The following KHDRBS2 variants were observed in gnomAD, a reference collection of about 807,000 sequenced individuals.
KHDRBS2 encodes KH domain-containing, RNA-binding, signal transduction-associated protein 2.
KHDRBS2 carries 26 observed loss-of-function variants against 44.3 expected under a neutral mutation model. That is an observed-to-expected ratio of 0.59 (90% CI 0.43 to 0.81). The LOEUF (loss-of-function observed/expected upper bound fraction) is 0.81. Among genes scored for constraint, KHDRBS2 ranks in the 40% least tolerant of loss-of-function variants. The pLI is 0.00. For missense variants in KHDRBS2, 476 were observed against 433.1 expected (o/e 1.10, Z -0.88); for synonymous variants, 194 against 151.1 (o/e 1.28, Z -2.08).
the KHDRBS2 span, among the ~76,000 whole-genome samples, chr6:61,670,472 A>T: frequency 2.6e-5 from 4 of 151,522 alleles, no homozygotes; most frequent in Non-Finnish European, 5.9e-5. Context: ...ATTAATTTAT[A>T]CTCATAAACC....
At chr6:61,568,589 C>T in the KHDRBS2 span, among the ~76,000 whole-genome samples, 3 of 151,152 alleles carry the variant, frequency 2.0e-5, no homozygotes, top group African/African-American at 7.3e-5. Flanking sequence ...CTGTGACTTC[C>T]CAAAATGTGA....
At chr6:62,126,807 C>CT (rs1197176568) in intron 2 of KHDRBS2, among the ~76,000 whole-genome samples, 1 of 152,168 alleles carries the variant, frequency 6.6e-6, no homozygotes, top group African/African-American at 2.4e-5. Flanking sequence ...CTTGAGACTA[C>CT]TGATGTAATA....
At chr6:62,116,394 T>C (rs1343549390) in intron 2 of KHDRBS2, among the ~76,000 whole-genome samples, 1 of 152,148 alleles carries the variant, frequency 6.6e-6, no homozygotes, top group African/African-American at 2.4e-5. Context: ...TTTCTGAGTT[T>C]GTTTTAAATT....
intron 6 of KHDRBS2, among the ~76,000 whole-genome samples, chr6:61,843,595 C>G (rs777440613): frequency 2.6e-5 from 4 of 151,880 alleles, no homozygotes; most frequent in African/African-American, 9.7e-5. Flanking sequence ...AAACCCCTGA[C>G]CTCAAGTGAT....
chr6:62,085,936 A>G (rs1798298684), intron 2 of KHDRBS2, among the ~76,000 whole-genome samples: 1 of 152,158 alleles, frequency 6.6e-6, no homozygotes, highest in Non-Finnish European at 1.5e-5. Flanking sequence ...AATTAGCAAA[A>G]TATGTGATCT....
chr6:61,877,286 A>G lies in KHDRBS2; in HGVS notation c.810+17349T>C, dbSNP rs571049619. ...AAAGAAAATTAGGAAGCCAGAGGAC[A>G]TAGAAATGCCTAGAAAATACATTAG... On this transcript the variant is annotated intron_variant, in intron 6 of 8. Transcript: ENST00000281156. 2.6e-5 allele frequency among the ~76,000 whole-genome samples: 4 copies of G among 152,152 alleles called. No homozygotes were observed. The East Asian group carries it at 7.7e-4, about 29-fold the overall frequency.
chr6:62,079,201 T>G (rs1562807144), intron 2 of KHDRBS2, among the ~76,000 whole-genome samples: 1 of 152,074 alleles, frequency 6.6e-6, no homozygotes, highest in Non-Finnish European at 1.5e-5. Flanking sequence ...ATATTTTTAT[T>G]TATCATGCTG....
chr6:61,965,603 C>A (rs938975062), intron 4 of KHDRBS2, among the ~76,000 whole-genome samples: 1 of 151,910 alleles, frequency 6.6e-6, no homozygotes. Context: ...AGAAGAGTCA[C>A]TCTGGTTACC....
chr6:62,143,427 G>T (rs1391670980), intron 2 of KHDRBS2, among the ~76,000 whole-genome samples: 1 of 151,974 alleles, frequency 6.6e-6, no homozygotes, highest in African/African-American at 2.4e-5. Flanking sequence ...GACAAAGACA[G>T]CAATCTATTT....
chr6:62,173,391 A>G (rs1389761424), intron 2 of KHDRBS2, among the ~76,000 whole-genome samples: 3 of 152,090 alleles, frequency 2.0e-5, no homozygotes, highest in African/African-American at 7.2e-5. Context: ...AACAAGGGAG[A>G]GACTGAATCC....
At chr6:62,235,752 C>T (rs1833606407) in intron 1 of KHDRBS2, among the ~76,000 whole-genome samples, 1 of 151,980 alleles carries the variant, frequency 6.6e-6, no homozygotes, top group African/African-American at 2.4e-5. Context: ...TTCCTCATTA[C>T]CATTTACTTC....
chr6:61,783,582 TTG>T (rs1368543032), intron 6 of KHDRBS2, among the ~76,000 whole-genome samples: 4 of 152,110 alleles, frequency 2.6e-5, no homozygotes, highest in Non-Finnish European at 5.9e-5. Context: ...TAAAAATACA[TTG>T]TGTCAATGGT....
chr6:61,785,535 G>A (rs1398542975), intron 6 of KHDRBS2, among the ~76,000 whole-genome samples: 1 of 152,032 alleles, frequency 6.6e-6, no homozygotes, highest in Non-Finnish European at 1.5e-5. Context: ...TAAAATGTGT[G>A]TTTGTGTATA....
At position 61,996,165 on chromosome 6, in the gene KHDRBS2, A is replaced by G. The variant is rs543063071; in HGVS notation, c.337-17953T>C. Among the ~76,000 whole-genome samples the G allele has an allele frequency of 7.9e-5, 12 of 152,316 alleles. No individual in the cohort carries two copies. The Middle Eastern group carries it at 0.01, about 130-fold the overall frequency. On this transcript the variant is annotated intron_variant, in intron 3 of 8. Coordinates refer to ENST00000281156, the MANE Select transcript of KHDRBS2 (RefSeq NM_152688.4). The stretch of plus-strand genomic sequence containing the variant: ...TCTGTCTACAGGGCAAGTGTTAAAA[A>G]TGTTTTAATACTTTATAAAAGGGTA...
rs188478652 is a variant in KHDRBS2 at position 61,894,613 on chromosome 6, C to G, written c.810+22G>C. 6,389 of 1,594,482 alleles carry G rather than the reference C, an allele frequency of 4.0e-3. 23 individuals are homozygous for G. Among genetic ancestry groups the G allele is most frequent in the Non-Finnish European group, 4.8e-3 (5,606 of 1,167,902 alleles). On this transcript the variant is annotated intron_variant, in intron 6 of 8. Transcript: ENST00000281156. ...TAATCAATTTAACTCATCCTTACAA[C>G]TTATTTCTTAAGAGTACTTACATAT... is the stretch of plus-strand genomic sequence containing the variant.
At chr6:61,629,117 G>T in the KHDRBS2 span, among the ~76,000 whole-genome samples, 266 of 152,282 alleles carry the variant, frequency 1.7e-3, 2 homozygotes, top group African/African-American at 6.1e-3. Context: ...CAATTACAGA[G>T]AAATTCATTT....
chr6:61,776,648 G>T (rs1308316287), intron 6 of KHDRBS2, among the ~76,000 whole-genome samples: 1 of 152,202 alleles, frequency 6.6e-6, no homozygotes, highest in Non-Finnish European at 1.5e-5. Context: ...ACAGGTGCTG[G>T]AGAGGATGTG....
intron 1 of KHDRBS2, among the ~76,000 whole-genome samples, chr6:62,255,567 A>G (rs1249341433): frequency 2.0e-5 from 3 of 151,126 alleles, no homozygotes; most frequent in Non-Finnish European, 3.0e-5. Flanking sequence ...ATTAACAACC[A>G]TGCAGTGCTG....
At chr6:61,615,617 T>C in the KHDRBS2 span, among the ~76,000 whole-genome samples, 1 of 152,194 alleles carries the variant, frequency 6.6e-6, no homozygotes, top group African/African-American at 2.4e-5. Flanking sequence ...AGATTGCATA[T>C]CCCTAATTTG....
Sources: allele counts gnomAD v4.1 joint callset (sites outside exome capture counted in the v4.1 genomes callset), GRCh38; gene constraint gnomAD v4.1.1; transcripts MANE v1.5; gene names NCBI Gene and HGNC (gene_info 2026-07-23, HGNC 2026-07-21).